Variants in TMEM181 observed in about 807,000 individuals in gnomAD.
The protein encoded by TMEM181 is transmembrane protein 181, also known as G protein-coupled receptor 178.
TMEM181 carries 39 observed loss-of-function variants against 71.9 expected under a neutral mutation model. That is an observed-to-expected ratio of 0.54 (90% confidence interval 0.42 to 0.71). The LOEUF (loss-of-function observed/expected upper bound fraction) is 0.71, where lower values mean the gene tolerates loss of function less well. Among genes scored for constraint, TMEM181 ranks in the 30% least tolerant of loss-of-function variants. TMEM181 has a pLI of 0.00. For missense variants in TMEM181, 595 were observed against 583.0 expected, an observed-to-expected ratio of 1.02 and a Z score of -0.21; for synonymous variants, 245 against 228.8, an observed-to-expected ratio of 1.07 and a Z score of -0.64.
In TMEM181 at chr6:158,560,864, A is replaced by G. The variant is rs891201094; in HGVS notation, c.8+632A>G. Among the ~76,000 whole-genome samples, 7 of 151,998 alleles carry G rather than the reference A, an allele frequency of 4.6e-5. No individual in the cohort carries two copies. The East Asian group carries it at 1.3e-3, about 29-fold the overall frequency. ...TGAAGTCCAGGGTTTTTAATGAGGA[A>G]AAACCTGTTTGGGGTCTCGTGGACG... On this transcript the variant is annotated intron_variant, in intron 1 of 16. Transcript: ENST00000684151.
At chr6:158,580,547 T>C (rs1783415113) in intron 2 of TMEM181, among the ~76,000 whole-genome samples, 1 of 152,248 alleles carries the variant, frequency 6.6e-6, no homozygotes, top group African/African-American at 2.4e-5. Flanking sequence ...GATGAGCAGA[T>C]AAGTGTGTCT....
At chr6:158,604,552 C>G (rs1405434943) in intron 6 of TMEM181, among the ~76,000 whole-genome samples, 2 of 152,144 alleles carry the variant, frequency 1.3e-5, no homozygotes, top group East Asian at 1.9e-4. Flanking sequence ...CAGCAGTGCC[C>G]CTGTCCTCGG....
chr6:158,571,753 G>C (rs1359249152), intron 1 of TMEM181, among the ~76,000 whole-genome samples: 1 of 152,248 alleles, frequency 6.6e-6, no homozygotes, highest in African/African-American at 2.4e-5. Flanking sequence ...GTAGGTTGGA[G>C]CCTGCAGCGC....
At chr6:158,610,668 C>G in intron 10 of TMEM181, 1 of 279,148 alleles carries the variant, frequency 3.6e-6, no homozygotes, top group Admixed American at 3.8e-5. Context: ...GAGCTGCCTT[C>G]CTCTGAGGCC....
chr6:158,573,435 G>A lies in TMEM181; in HGVS notation c.24G>A (p.Arg8=), dbSNP rs570594147. 45 of 1,588,058 alleles carry A rather than the reference G, an allele frequency of 2.8e-5. No homozygotes were observed. In the Admixed American group the frequency reaches 4.7e-4, roughly 17 times the overall value. MEPLAPM[R]LYTLSKRHFV... is the part of the protein sequence containing the mutation. ...CTGCCCCCAGGCTGGCGCCCATGCGGCTCTACACGCTCTCCAAGCGCCACT... is the reference window on the plus strand; with the variant it reads ...CTGCCCCCAGGCTGGCGCCCATGCGACTCTACACGCTCTCCAAGCGCCACT... The change falls in exon 2 of 17, where the codon CGG becomes CGA. Residue 8 remains arginine, a synonymous_variant. Coordinates refer to ENST00000684151, the MANE Select transcript of TMEM181 (RefSeq NM_001376852.1).
chr6:158,612,430 T>C (rs545111444), intron 10 of TMEM181, among the ~76,000 whole-genome samples: 44 of 152,298 alleles, frequency 2.9e-4, no homozygotes, highest in Admixed American at 7.8e-4. Flanking sequence ...CTGTAGATGT[T>C]TTGGATAGTT....
intron 4 of TMEM181, among the ~76,000 whole-genome samples, chr6:158,584,609 C>T (rs573494572): frequency 1.6e-4 from 25 of 152,296 alleles, no homozygotes; most frequent in South Asian, 4.1e-4. Flanking sequence ...TTTGTATCAT[C>T]CTAGGGAGAA....
intron 1 of TMEM181, among the ~76,000 whole-genome samples, chr6:158,571,242 AC>A (rs1782793717): frequency 1.3e-5 from 2 of 152,052 alleles, no homozygotes; most frequent in Non-Finnish European, 2.9e-5. Context: ...GACTGCAGGC[AC>A]CCGCCACCGC....
In TMEM181 at chr6:158,633,422, C is replaced by T. The variant is rs891931316; in HGVS notation, c.*1534C>T. On this transcript the variant is annotated 3_prime_UTR_variant, in exon 17 of 17. Transcript: ENST00000684151. ...GCTTTCCTCTTGACCTCTACAGTCA[C>T]ACTTCTGTTAACATCTGGTAACTGT... is the stretch of plus-strand genomic sequence containing the variant. 5.3e-5 allele frequency: 8 copies of T among 152,244 alleles called. No homozygotes were observed. The highest frequency in any genetic ancestry group is 1.2e-4 in the Non-Finnish European group (8 of 68,038). 9.4% of individuals were successfully genotyped at this position (152,244 alleles called of 1,614,324 possible).
intron 5 of TMEM181, among the ~76,000 whole-genome samples, chr6:158,589,031 G>C (rs1488204211): frequency 6.6e-6 from 1 of 152,178 alleles, no homozygotes; most frequent in East Asian, 1.9e-4. Context: ...CTCCGGAAGG[G>C]GATAACAAAG....
chr6:158,566,883 T>A (rs541401133), intron 1 of TMEM181, among the ~76,000 whole-genome samples: 39 of 152,316 alleles, frequency 2.6e-4, no homozygotes, highest in African/African-American at 8.9e-4. Context: ...AAAAGATGAA[T>A]AATGAGGGGA....
intron 1 of TMEM181, among the ~76,000 whole-genome samples, chr6:158,564,473 G>T (rs564767444): frequency 2.6e-5 from 4 of 152,222 alleles, no homozygotes; most frequent in Non-Finnish European, 5.9e-5. Flanking sequence ...CCACCTCTGC[G>T]GCAGCCAGCT....
chr6:158,625,694 C>A lies in TMEM181; in HGVS notation c.1058-9C>A. On this transcript the variant is annotated splice_polypyrimidine_tract_variant and intron_variant, in intron 12 of 16. Transcript: ENST00000684151. ...TCCAGAGTTGTTAATGAGTTTCTTTCTTTTTCAGATCTCAGGTTGAAATTT... is the reference window on the plus strand; with the variant it reads ...TCCAGAGTTGTTAATGAGTTTCTTTATTTTTCAGATCTCAGGTTGAAATTT... 2 of 1,605,110 alleles carry A rather than the reference C, an allele frequency of 1.2e-6. No homozygotes were observed. The highest frequency in any genetic ancestry group is 1.7e-6 in the Non-Finnish European group (2 of 1,177,460).
intron 1 of TMEM181, 77 bp from the exon 2 acceptor site, chr6:158,573,343 G>T (rs1399162399): frequency 5.7e-6 from 6 of 1,050,774 alleles, no homozygotes; most frequent in South Asian, 1.4e-5. Flanking sequence ...GTGGGGAGGG[G>T]TGTTGCTGCA....
chr6:158,536,768 C>A, exon 1 of TMEM181: 3 of 1,575,120 alleles, frequency 1.9e-6, no homozygotes, highest in Non-Finnish European at 2.6e-6. Flanking sequence ...TGAGCCCCCG[C>A]TCTGCAGCGA....
At chr6:158,553,449 T>C (rs1781778730) in intron 1 of TMEM181, among the ~76,000 whole-genome samples, 1 of 152,248 alleles carries the variant, frequency 6.6e-6, no homozygotes, top group African/African-American at 2.4e-5. Flanking sequence ...GGTGTTCACC[T>C]AAGAACCTTA....
At chr6:158,588,786 C>T (rs1420640283) in intron 5 of TMEM181, among the ~76,000 whole-genome samples, 3 of 152,244 alleles carry the variant, frequency 2.0e-5, no homozygotes, top group African/African-American at 7.2e-5. Flanking sequence ...GTAAAACCCA[C>T]ACCTGTTTTC....
chr6:158,626,932 ATTCT>A (rs71030182), intron 13 of TMEM181, among the ~76,000 whole-genome samples: 23,584 of 77,098 alleles, frequency 0.31, 2,155 homozygotes, highest in African/African-American at 0.42. Flanking sequence ...TCTCACCCTC[ATTCT>A]CACCCTCACC....
chr6:158,614,498 T>A (rs868676994), intron 10 of TMEM181, among the ~76,000 whole-genome samples: 8 of 152,190 alleles, frequency 5.3e-5, no homozygotes, highest in African/African-American at 9.7e-5. Context: ...AATTTTTTTT[T>A]AATTACACTT....
Sources: allele counts gnomAD v4.1 joint callset (sites outside exome capture counted in the v4.1 genomes callset), GRCh38; gene constraint gnomAD v4.1.1; transcripts MANE v1.5; gene names NCBI Gene and HGNC (gene_info 2026-07-23, HGNC 2026-07-21).